The following SCUBE1 variants were observed in gnomAD, a reference collection of about 807,000 sequenced individuals.
SCUBE1 encodes the protein signal peptide, CUB and EGF-like domain-containing protein 1.
SCUBE1 carries 59 observed loss-of-function variants against 124.4 expected under a neutral mutation model. The ratio of observed to expected loss-of-function variants is 0.47; its 90% CI spans 0.38 to 0.59. The LOEUF is 0.59. Among genes scored for constraint, SCUBE1 ranks in the 20% least tolerant of loss-of-function variants. The probability of loss-of-function intolerance (pLI) is 0.00; values close to 1 mark genes in which losing one functional copy is unlikely to be tolerated. For synonymous variants in SCUBE1, 545 were observed against 550.9 expected, an observed-to-expected ratio of 0.99 and a Z score of 0.15; for missense variants, 1,150 against 1,371.2, an observed-to-expected ratio of 0.84 and a Z score of 2.55.
intron 5 of SCUBE1, among the ~76,000 whole-genome samples, chr22:43,261,626 C>T (rs73886541): frequency 0.013 from 1,980 of 152,284 alleles, 43 homozygotes; most frequent in African/African-American, 0.045. Context: ...GGTGGAAGAA[C>T]GGTCATTTTC....
At chr22:43,342,166 C>A (rs377270910) in intron 1 of SCUBE1, among the ~76,000 whole-genome samples, 2 of 145,518 alleles carry the variant, frequency 1.4e-5, no homozygotes, top group East Asian at 2.1e-4. Context: ...AGCAGAGCAC[C>A]GGAGGAAGCG....
chr22:43,280,442 C>CTCCTGT (rs1924734053), intron 4 of SCUBE1, among the ~76,000 whole-genome samples: 1 of 122,170 alleles, frequency 8.2e-6, no homozygotes. Flanking sequence ...CTCACCCATC[C>CTCCTGT]CCCTGTCCCT....
At chr22:43,311,077 C>A (rs1315876420) in intron 3 of SCUBE1, among the ~76,000 whole-genome samples, 2 of 152,224 alleles carry the variant, frequency 1.3e-5, no homozygotes, top group African/African-American at 4.8e-5. Flanking sequence ...CCAAGCCTGG[C>A]CTTGATACAT....
intron 3 of SCUBE1, among the ~76,000 whole-genome samples, chr22:43,311,428 T>C (rs966143381): frequency 2.0e-5 from 3 of 151,542 alleles, no homozygotes; most frequent in Non-Finnish European, 4.4e-5. Context: ...TAGCACTTTT[T>C]TTTTTTTTTT....
In SCUBE1 at chr22:43,227,493, A is replaced by G; in HGVS notation, c.1088T>C (p.Val363Ala). The change falls in exon 10 of 22, where the codon GTG (valine) becomes GCG (alanine). Residue 363 changes from valine (V) to alanine (A), a missense_variant. Physicochemically the swap from Val to Ala is moderately conservative, Grantham distance 64. This residue lies in a region of SCUBE1 where 337 missense variants were observed against 482.1 expected (regional missense o/e 0.70). Coordinates refer to ENST00000360835, the MANE Select transcript of SCUBE1 (RefSeq NM_173050.5). ...CCCGTTGCTCATGCTGCACTCGTCC[A>G]CATCTGGAAGCACAGCGGGCGTAAG... is the stretch of plus-strand genomic sequence containing the variant. Reference protein sequence around the residue: ...ILYGTTHCGDVDECSMSNGSC... With the variant: ...ILYGTTHCGDADECSMSNGSC... 1.2e-6 allele frequency: 2 copies of G among 1,611,902 alleles called. No homozygotes were observed. The highest frequency in any genetic ancestry group is 1.7e-6 in the Non-Finnish European group (2 of 1,179,588).
At chr22:43,274,006 G>C (rs889876245) in intron 4 of SCUBE1, among the ~76,000 whole-genome samples, 1 of 152,124 alleles carries the variant, frequency 6.6e-6, no homozygotes, top group African/African-American at 2.4e-5. Flanking sequence ...CTCCTCACCT[G>C]GAGCCCCTGC....
intron 2 of SCUBE1, among the ~76,000 whole-genome samples, chr22:43,331,977 G>T (rs1926917873): frequency 6.6e-6 from 1 of 152,200 alleles, no homozygotes; most frequent in Admixed American, 6.5e-5. Context: ...AGACAGTGAG[G>T]CTGGGTGGGG....
chr22:43,269,787 G>A (rs1356505206), intron 4 of SCUBE1, among the ~76,000 whole-genome samples: 1 of 152,164 alleles, frequency 6.6e-6, no homozygotes, highest in Non-Finnish European at 1.5e-5. Flanking sequence ...GCCATGCAGG[G>A]AAAAACAAAC....
chr22:43,343,248 G>A lies in SCUBE1; in HGVS notation c.14C>T (p.Ala5Val), dbSNP rs755241354. 3.4e-6 allele frequency: 4 copies of A among 1,183,670 alleles called. No individual in the cohort carries two copies. In the South Asian group the frequency reaches 8.3e-5, roughly 25 times the overall value. 73.3% of individuals were successfully genotyped at this position (1,183,670 alleles called of 1,614,324 possible). A position where few individuals can be genotyped will look rare whatever the true frequency, so the allele number is the denominator to read the frequency against. MGAA[A>V]VRWHLCVLLA... ...CAGCACGCACAAGTGCCAGCGCACGGCCGCCGCGCCCATGCTCAATGCGGG... is the reference window on the plus strand; with the variant it reads ...CAGCACGCACAAGTGCCAGCGCACGACCGCCGCGCCCATGCTCAATGCGGG... The change falls in exon 1 of 22, where the codon GCC (alanine) becomes GTC (valine). Residue 5 changes from alanine to valine, a missense_variant. Coordinates refer to ENST00000360835, the MANE Select transcript of SCUBE1 (RefSeq NM_173050.5).
At chr22:43,324,621 C>T (rs1337180145) in intron 2 of SCUBE1, among the ~76,000 whole-genome samples, 1 of 151,992 alleles carries the variant, frequency 6.6e-6, no homozygotes. Flanking sequence ...AAAAATTTGC[C>T]AAAGCAAGTG....
chr22:43,334,603 C>T (rs1404857199), intron 2 of SCUBE1, among the ~76,000 whole-genome samples: 1 of 135,886 alleles, frequency 7.4e-6, no homozygotes, highest in Non-Finnish European at 1.7e-5. Context: ...CATAACAGCA[C>T]CATCAACATT....
chr22:43,296,644 T>C (rs1214026828), intron 3 of SCUBE1, among the ~76,000 whole-genome samples: 1 of 152,168 alleles, frequency 6.6e-6, no homozygotes, highest in Admixed American at 6.5e-5. Flanking sequence ...GGGAGGAGCC[T>C]TTCACAGCTG....
intron 5 of SCUBE1, among the ~76,000 whole-genome samples, chr22:43,260,135 G>A (rs1568999644): frequency 6.6e-6 from 1 of 152,208 alleles, no homozygotes; most frequent in Non-Finnish European, 1.5e-5. Flanking sequence ...GGGTGCAGCT[G>A]GGGAGAAGGC....
intron 3 of SCUBE1, among the ~76,000 whole-genome samples, chr22:43,311,148 C>T (rs535539412): frequency 1.3e-5 from 2 of 152,306 alleles, no homozygotes; most frequent in South Asian, 4.2e-4. Context: ...AATGCTGTCA[C>T]CCTGCCCCCA....
intron 4 of SCUBE1, among the ~76,000 whole-genome samples, chr22:43,281,488 G>GTCATCTCCCCCTCA (rs1569010806): frequency 1.5e-4 from 11 of 72,546 alleles, no homozygotes; most frequent in African/African-American, 1.5e-3. Context: ...CTCCCTCTTT[G>GTCATCTCCCCCTCA]GCCACCCTCC....
At chr22:43,276,729 G>C (rs1051948708) in intron 4 of SCUBE1, among the ~76,000 whole-genome samples, 2 of 152,320 alleles carry the variant, frequency 1.3e-5, no homozygotes, top group Admixed American at 6.5e-5. Flanking sequence ...GGTGTAGGGG[G>C]TGGGCACTGG....
intron 21 of SCUBE1, among the ~76,000 whole-genome samples, chr22:43,204,699 C>T (rs950770404): frequency 7.2e-5 from 11 of 151,888 alleles, no homozygotes; most frequent in Non-Finnish European, 1.6e-4. Context: ...AATCCCAGCA[C>T]TTTGGGAGGC....
intron 6 of SCUBE1, among the ~76,000 whole-genome samples, chr22:43,252,650 G>A (rs948816552): frequency 1.3e-5 from 2 of 152,158 alleles, no homozygotes; most frequent in African/African-American, 2.4e-5. Context: ...CTACTGGGAC[G>A]AACTGCCCGT....
intron 3 of SCUBE1, among the ~76,000 whole-genome samples, chr22:43,313,688 C>T (rs768312948): frequency 4.6e-5 from 7 of 152,066 alleles, no homozygotes; most frequent in Non-Finnish European, 8.8e-5. Flanking sequence ...TGAGAAATTC[C>T]TCAATAAAGA....
Sources: gnomAD v4.1 joint callset for allele counts (sites outside exome capture counted in the v4.1 genomes callset) on GRCh38, gnomAD v4.1.1 for gene constraint, gnomAD v4.1.1 regional missense constraint, MANE v1.5 for transcripts, NCBI Gene and HGNC (gene_info 2026-07-23, HGNC 2026-07-21) for gene names.